The following DIP2C variants were observed in gnomAD, a reference collection of about 807,000 sequenced individuals.
DIP2C encodes the protein disco-interacting protein 2 homolog C.
In DIP2C, 33 loss-of-function variants were observed where a neutral mutation model predicts 192.4. The ratio of observed to expected loss-of-function variants is 0.17; its 90% CI spans 0.13 to 0.23. DIP2C has a LOEUF of 0.23. DIP2C is among the 10% of genes least tolerant of loss of function. The pLI is 1.00. For missense variants in DIP2C, 1,537 were observed against 2,110.1 expected, an observed-to-expected ratio of 0.73 and a Z score of 5.32; for synonymous variants, 979 against 864.1, an observed-to-expected ratio of 1.13 and a Z score of -2.33.
chr10:457,901 G>A (rs1194637452), intron 3 of DIP2C, among the ~76,000 whole-genome samples: 1 of 152,190 alleles, frequency 6.6e-6, no homozygotes, highest in Admixed American at 6.5e-5. Flanking sequence ...TGCGTCCTCA[G>A]CTGTGCCTGT....
In DIP2C at chr10:683,777, C is replaced by T. The variant is rs552853911; in HGVS notation, c.85+5717G>A. ...AAACCCAGGTTCCTCAGTGCGCTCC[C>T]TCTGCAGTTCAGGAGAGCGCTACAA... On this transcript the variant is annotated intron_variant, in intron 1 of 36. Transcript: ENST00000280886. 2.0e-5 allele frequency among the ~76,000 whole-genome samples: 3 copies of T among 152,314 alleles called. No individual in the cohort carries two copies. In the East Asian group the frequency reaches 5.8e-4, roughly 29 times the overall value.
At chr10:577,715 A>G (rs140500589) in intron 1 of DIP2C, among the ~76,000 whole-genome samples, 8 of 152,356 alleles carry the variant, frequency 5.3e-5, no homozygotes, top group African/African-American at 1.7e-4. Flanking sequence ...ATAACTAGTA[A>G]TGATGAAGAC....
chr10:337,561 T>C (rs1320278094), intron 29 of DIP2C, among the ~76,000 whole-genome samples: 2 of 146,382 alleles, frequency 1.4e-5, no homozygotes, highest in African/African-American at 2.5e-5. Context: ...GCTGTGTGTG[T>C]GCTGTGGAGG....
At chr10:461,236 A>C (rs10904266) in intron 3 of DIP2C, among the ~76,000 whole-genome samples, 54 of 152,218 alleles carry the variant, frequency 3.5e-4, no homozygotes, top group Admixed American at 1.6e-3. Context: ...AAATGCCCCC[A>C]TTAAAAGACA....
intron 28 of DIP2C, among the ~76,000 whole-genome samples, chr10:341,694 A>C (rs1958156507): frequency 6.6e-6 from 1 of 152,240 alleles, no homozygotes; most frequent in South Asian, 2.1e-4. Flanking sequence ...ACACCCAAAG[A>C]CATCTTTAAG....
At chr10:637,935 T>C (rs2131918280) in intron 1 of DIP2C, among the ~76,000 whole-genome samples, 1 of 152,320 alleles carries the variant, frequency 6.6e-6, no homozygotes, top group South Asian at 2.1e-4. Context: ...CAGAGCTGAC[T>C]GAGAGACACA....
At chr10:469,310 T>C (rs1337096929) in intron 3 of DIP2C, among the ~76,000 whole-genome samples, 1 of 130,824 alleles carries the variant, frequency 7.6e-6, no homozygotes, top group Non-Finnish European at 1.6e-5. Flanking sequence ...ATCTCACTGG[T>C]ACTGATTTTT....
intron 2 of DIP2C, among the ~76,000 whole-genome samples, chr10:483,317 A>T (rs1843745211): frequency 6.6e-6 from 1 of 152,266 alleles, no homozygotes; most frequent in Non-Finnish European, 1.5e-5. Flanking sequence ...TTTTCCACGA[A>T]GATCCTGCAC....
At chr10:681,361 C>A (rs1219472746) in intron 1 of DIP2C, among the ~76,000 whole-genome samples, 1 of 151,192 alleles carries the variant, frequency 6.6e-6, no homozygotes, top group Non-Finnish European at 1.5e-5. Flanking sequence ...GGAATGCAGA[C>A]CCTCAGTCAC....
chr10:606,644 A>C (rs1404525609), intron 1 of DIP2C, among the ~76,000 whole-genome samples: 1 of 151,692 alleles, frequency 6.6e-6, no homozygotes, highest in African/African-American at 2.4e-5. Flanking sequence ...TCATGGCCCC[A>C]CTGCTGTAAT....
chr10:517,091 C>T (rs1294173720), intron 1 of DIP2C, among the ~76,000 whole-genome samples: 1 of 151,888 alleles, frequency 6.6e-6, no homozygotes, highest in Non-Finnish European at 1.5e-5. Flanking sequence ...TTGACAGACT[C>T]CATGGAAACA....
chr10:663,223 C>A, intron 1 of DIP2C: 1 of 323,948 alleles, frequency 3.1e-6, no homozygotes, highest in East Asian at 5.0e-5. Context: ...AGCAAGGATG[C>A]CAACTAAATG....
Position 364,582 on chromosome 10 carries a change from C to T in DIP2C, c.2269G>A (p.Val757Met). ...GCCCCGGAGCTTGTCATGGGAAACA[C>T]CTGGGGGAAACAGCATCCATCAGGC... The part of the protein sequence containing the change: ...LSGMTKNTFE[V>M]FPMTSSGAPI... Residue 757 changes from valine (V) to methionine (M), a missense_variant and splice_region_variant, in exon 20 of 37, where the codon GTG becomes ATG. Coordinates refer to ENST00000280886, the MANE Select transcript of DIP2C (RefSeq NM_014974.3). 6.2e-7 allele frequency: 1 copy of T among 1,613,342 alleles called. No homozygotes were observed. Among genetic ancestry groups the T allele is most frequent in the Non-Finnish European group, 8.5e-7 (1 of 1,179,372 alleles).
chr10:656,390 T>C (rs1188486321), intron 1 of DIP2C, among the ~76,000 whole-genome samples: 1 of 152,210 alleles, frequency 6.6e-6, no homozygotes, highest in East Asian at 1.9e-4. Context: ...GTTTGTTCCA[T>C]TCTATACAGT....
intron 24 of DIP2C, among the ~76,000 whole-genome samples, chr10:355,754 T>G (rs1029063409): frequency 1.3e-5 from 2 of 152,198 alleles, no homozygotes; most frequent in Non-Finnish European, 2.9e-5. Context: ...TTCCTGAGTC[T>G]GCAATAAACA....
intron 2 of DIP2C, among the ~76,000 whole-genome samples, chr10:479,251 G>A (rs1438732900): frequency 6.6e-6 from 1 of 151,574 alleles, no homozygotes; most frequent in Non-Finnish European, 1.5e-5. Flanking sequence ...GTATTCACTG[G>A]GATGGGAACA....
chr10:367,139 C>T (rs749447978), intron 18 of DIP2C, among the ~76,000 whole-genome samples: 19 of 152,180 alleles, frequency 1.2e-4, no homozygotes, highest in Middle Eastern at 3.2e-3. Flanking sequence ...ACATTAAGGC[C>T]GGACGCGGTG....
At position 415,825 on chromosome 10, in the gene DIP2C, G is replaced by C; in HGVS notation, c.803C>G (p.Pro268Arg). 6.2e-7 allele frequency: 1 copy of C among 1,613,780 alleles called. No homozygotes were observed. Among genetic ancestry groups the C allele is most frequent in the Non-Finnish European group, 8.5e-7 (1 of 1,179,984 alleles). ...IQQLVNTLKRPKRPPLREFFV... is the reference protein window; with the variant it reads ...IQQLVNTLKRRKRPPLREFFV... ...GAATTCTCGTAAAGGTGGTCGTTTC[G>C]GTCGTTTGAGGGTATTGACAAGCTG... Residue 268 changes from proline (P) to arginine (R), a missense_variant, in exon 7 of 37, where the codon CCG becomes CGG. By Grantham distance (103) the Pro-to-Arg change is moderately radical. Coordinates refer to ENST00000280886, the MANE Select transcript of DIP2C (RefSeq NM_014974.3).
intron 1 of DIP2C, among the ~76,000 whole-genome samples, chr10:592,952 T>C (rs1388438362): frequency 6.6e-6 from 1 of 152,232 alleles, no homozygotes; most frequent in Non-Finnish European, 1.5e-5. Flanking sequence ...GAGGTCACTG[T>C]TATTTGTACT....
Sources: allele counts gnomAD v4.1 joint callset (sites outside exome capture counted in the v4.1 genomes callset), GRCh38; gene constraint gnomAD v4.1.1; transcripts MANE v1.5; gene names NCBI Gene and HGNC (gene_info 2026-07-23, HGNC 2026-07-21).